SSH2: variants seen among roughly 807,000 people sequenced by gnomAD.
The protein encoded by SSH2 is slingshot protein phosphatase 2.
Under a neutral mutation model 135.2 loss-of-function variants are expected in SSH2, and 37 were observed. That is an observed-to-expected ratio of 0.27 (90% CI 0.21 to 0.36). The LOEUF is 0.36. Among genes scored for constraint, SSH2 ranks in the 10% least tolerant of loss-of-function variants. The pLI, the probability that SSH2 is intolerant of heterozygous loss-of-function variation, is 1.00. For missense variants in SSH2, 1,408 were observed against 1,765.3 expected (o/e 0.80, Z 3.63); for synonymous variants, 628 against 646.2 (o/e 0.97, Z 0.43).
chr17:29,768,289 ATTT>A (rs545565554), intron 3 of SSH2, among the ~76,000 whole-genome samples: 10 of 139,784 alleles, frequency 7.2e-5, no homozygotes, highest in Non-Finnish European at 7.8e-5. Flanking sequence ...ATAAATGTAA[ATTT>A]TTTTTTTTTT....
chr17:29,662,236 CT>C, intron 11 of SSH2, among the ~76,000 whole-genome samples: 1 of 152,338 alleles, frequency 6.6e-6, no homozygotes, highest in African/African-American at 2.4e-5. Context: ...TAACTGATTT[CT>C]TTTCATGCTA....
chr17:29,813,787 C>T (rs2042495237), intron 2 of SSH2, among the ~76,000 whole-genome samples: 1 of 150,806 alleles, frequency 6.6e-6, no homozygotes. Flanking sequence ...CACTGCACTC[C>T]AGCCTGGAAG....
At position 29,848,934 on chromosome 17, in the gene SSH2, A is replaced by G. The variant is rs1431463723; in HGVS notation, c.64-5T>C. On this transcript the variant is annotated splice_polypyrimidine_tract_variant and splice_region_variant and intron_variant, in intron 1 of 15. Coordinates refer to ENST00000540801, the MANE Select transcript of SSH2 (RefSeq NM_001282129.2). ...ACTGTCTTCCAAATGAGAGCTCTGT[A>G]ATACAAACAAGATCATTTCAGAGAT... is the stretch of plus-strand genomic sequence containing the variant. 1 of 1,528,240 alleles carries G rather than the reference A, an allele frequency of 6.5e-7. No individual in the cohort carries two copies. The highest frequency in any genetic ancestry group is 8.8e-7 in the Non-Finnish European group (1 of 1,140,506). 94.7% of individuals were successfully genotyped at this position (1,528,240 alleles called of 1,614,324 possible).
chr17:29,780,101 C>T (rs2041807002), intron 3 of SSH2, among the ~76,000 whole-genome samples: 2 of 151,812 alleles, frequency 1.3e-5, no homozygotes, highest in Non-Finnish European at 2.9e-5. Context: ...TCTGTAATCC[C>T]AGCTATTTGG....
At chr17:29,905,409 TG>T (rs1165315285) in intron 1 of SSH2, among the ~76,000 whole-genome samples, 2 of 152,176 alleles carry the variant, frequency 1.3e-5, no homozygotes, top group African/African-American at 4.8e-5. Context: ...GAGGTGTGGC[TG>T]GGGCTGCATG....
At chr17:29,919,783 C>G (rs558804351) in intron 1 of SSH2, among the ~76,000 whole-genome samples, 1 of 150,242 alleles carries the variant, frequency 6.7e-6, no homozygotes, top group Non-Finnish European at 1.5e-5. Flanking sequence ...AATGGATTAA[C>G]AAATAAACAT....
chr17:29,630,921 C>T lies in SSH2; in HGVS notation c.4273G>A (p.Gly1425Ser), dbSNP rs61737980. 35,416 of 1,608,298 alleles carry T rather than the reference C, an allele frequency of 0.022. 488 individuals carry two copies. Among genetic ancestry groups the T allele is most frequent in the Middle Eastern group, 0.038 (229 of 6,046 alleles). The change falls in exon 16 of 16, where the codon GGC (glycine) becomes AGC (serine). Residue 1425 changes from glycine to serine, a missense_variant. This residue lies in a region of SSH2 where 1,080 missense variants were observed against 1,144.5 expected (regional missense o/e 0.94). Transcript: ENST00000540801. ...AGTCTCCTAAGGGGGTGAGTTCTGC[C>T]GTGTTGCTGACGGGGTGCCACGGCC... ...GLAVAPRQQH[G>S]RTHPLRRLKK...
chr17:29,675,826 TGAGAGA>T (rs145802571), intron 8 of SSH2: 4 of 150,306 alleles, frequency 2.7e-5, no homozygotes, highest in African/African-American at 9.8e-5. Context: ...GAGAGAGATA[TGAGAGA>T]GAGAGAGAGA....
chr17:29,765,695 G>A (rs1315913276), intron 3 of SSH2, among the ~76,000 whole-genome samples: 1 of 152,052 alleles, frequency 6.6e-6, no homozygotes, highest in Non-Finnish European at 1.5e-5. Context: ...CTTAAACTGA[G>A]GTAATGTTTA....
chr17:29,696,586 G>A (rs892248861), intron 4 of SSH2, among the ~76,000 whole-genome samples: 19 of 144,304 alleles, frequency 1.3e-4, no homozygotes, highest in Admixed American at 1.4e-4. Context: ...GCGACACAGC[G>A]AGACTCTGTC....
In SSH2 at chr17:29,709,015, T is replaced by TAGAGAGAG. The variant is rs58190730; in HGVS notation, c.189-5961_189-5954dup. Among the ~76,000 whole-genome samples the TAGAGAGAG allele has an allele frequency of 3.8e-3, 306 of 81,574 alleles. 1 individual carries two copies. The highest frequency in any genetic ancestry group is 7.2e-3 in the African/African-American group (176 of 24,412). 53.5% of individuals were successfully genotyped at this position (81,574 alleles called of 152,430 possible). ...AGAAATATATATATATATATATATA[T>TAGAGAGAG]AGAGAGAGAGAGAGAGAGAGAGAGA... On this transcript the variant is annotated intron_variant, in intron 3 of 15. Transcript: ENST00000540801.
chr17:29,818,231 C>T (rs1306186299), intron 2 of SSH2, among the ~76,000 whole-genome samples: 1 of 148,072 alleles, frequency 6.8e-6, no homozygotes, highest in Non-Finnish European at 1.5e-5. Context: ...TTGGTTGAAT[C>T]TACCATGGGT....
At chr17:29,776,393 T>C (rs1415059093) in intron 3 of SSH2, 1 of 152,142 alleles carries the variant, frequency 6.6e-6, no homozygotes, top group Non-Finnish European at 1.5e-5. Flanking sequence ...CAGCAGAAGG[T>C]TGTGGTCATA....
intron 2 of SSH2, among the ~76,000 whole-genome samples, chr17:29,818,237 T>C (rs977778693): frequency 3.3e-5 from 5 of 151,926 alleles, no homozygotes; most frequent in Non-Finnish European, 7.4e-5. Flanking sequence ...GAATCTACCA[T>C]GGGTATTCTT....
intron 1 of SSH2, among the ~76,000 whole-genome samples, chr17:29,874,857 T>C (rs1283504016): frequency 6.6e-6 from 1 of 152,128 alleles, no homozygotes; most frequent in African/African-American, 2.4e-5. Flanking sequence ...GTCAGAAAAT[T>C]AAGTTAATTA....
At chr17:29,657,339 G>C (rs1044315305) in intron 11 of SSH2, among the ~76,000 whole-genome samples, 2 of 151,196 alleles carry the variant, frequency 1.3e-5, no homozygotes, top group African/African-American at 2.4e-5. Context: ...GCACAATCTC[G>C]GCTCACTGCA....
chr17:29,726,807 G>T (rs374319448), intron 3 of SSH2, among the ~76,000 whole-genome samples: 1 of 152,128 alleles, frequency 6.6e-6, no homozygotes, highest in African/African-American at 2.4e-5. Flanking sequence ...GGTCAAAAAA[G>T]GTCTATTTAC....
intron 1 of SSH2, among the ~76,000 whole-genome samples, chr17:29,913,353 T>A (rs60068758): frequency 0.077 from 2,189 of 28,264 alleles, 166 homozygotes; most frequent in Non-Finnish European, 0.098. Context: ...AAAAAATATA[T>A]ATATATATAT....
intron 1 of SSH2, among the ~76,000 whole-genome samples, chr17:29,906,224 A>T (rs1248865085): frequency 6.6e-6 from 1 of 152,122 alleles, no homozygotes; most frequent in African/African-American, 2.4e-5. Context: ...CCGTAACACA[A>T]CCATCTGAAC....
Sources: gnomAD v4.1 joint callset for allele counts (sites outside exome capture counted in the v4.1 genomes callset) on GRCh38, gnomAD v4.1.1 for gene constraint, gnomAD v4.1.1 regional missense constraint, MANE v1.5 for transcripts, NCBI Gene and HGNC (gene_info 2026-07-23, HGNC 2026-07-21) for gene names.